The following ERC2 variants were observed in gnomAD, a reference collection of about 807,000 sequenced individuals.
The protein encoded by ERC2 is ERC protein 2.
In ERC2, 42 loss-of-function variants were observed where a neutral mutation model predicts 114.8. The observed-to-expected ratio is 0.37, with a 90% CI of 0.29 to 0.47. The LOEUF (loss-of-function observed/expected upper bound fraction) is 0.47, where lower values mean the gene tolerates loss of function less well. ERC2 is among the 20% of genes least tolerant of loss of function. The pLI, the probability that ERC2 is intolerant of heterozygous loss-of-function variation, is 0.99. For missense variants in ERC2, 939 were observed against 1,150.7 expected, an observed-to-expected ratio of 0.82 and a Z score of 2.66; for synonymous variants, 454 against 425.5, an observed-to-expected ratio of 1.07 and a Z score of -0.82.
At chr3:56,128,159 A>G (rs1406445417) in intron 6 of ERC2, among the ~76,000 whole-genome samples, 2 of 152,210 alleles carry the variant, frequency 1.3e-5, no homozygotes, top group Non-Finnish European at 2.9e-5. Context: ...CCTATTCATT[A>G]GGTACTTCCA....
At chr3:56,206,899 G>T (rs773818943) in intron 3 of ERC2, among the ~76,000 whole-genome samples, 1 of 152,188 alleles carries the variant, frequency 6.6e-6, no homozygotes, top group Non-Finnish European at 1.5e-5. Flanking sequence ...AATTTAAATA[G>T]ATGCAACAGA....
At chr3:56,127,327 A>G (rs78768511) in intron 6 of ERC2, among the ~76,000 whole-genome samples, 1,546 of 152,320 alleles carry the variant, frequency 0.01, 33 homozygotes, top group African/African-American at 0.035. Context: ...TAATCCTAAA[A>G]TGTGTATGGA....
intron 2 of ERC2, among the ~76,000 whole-genome samples, chr3:56,352,217 G>C (rs1004680145): frequency 1.1e-4 from 17 of 152,182 alleles, no homozygotes; most frequent in African/African-American, 4.1e-4. Context: ...ACTGGAGGCA[G>C]GTCAAGAGAC....
chr3:55,647,135 G>C (rs1050233111), intron 17 of ERC2: 1 of 151,846 alleles, frequency 6.6e-6, no homozygotes, highest in African/African-American at 2.4e-5. Flanking sequence ...ATCCTCTGTA[G>C]GTTCCTCTGC....
chr3:55,926,002 T>C (rs1325909005), intron 13 of ERC2, among the ~76,000 whole-genome samples: 4 of 152,224 alleles, frequency 2.6e-5, no homozygotes, highest in Non-Finnish European at 5.9e-5. Flanking sequence ...GAGGGAATTT[T>C]AGCAAGTACA....
chr3:55,533,523 C>T (rs1248504234), intron 17 of ERC2, among the ~76,000 whole-genome samples: 2 of 152,196 alleles, frequency 1.3e-5, no homozygotes, highest in South Asian at 2.1e-4. Flanking sequence ...TCCATCCAAA[C>T]CCCGAGTCCA....
intron 14 of ERC2, among the ~76,000 whole-genome samples, chr3:55,755,301 G>C (rs139358933): frequency 3.4e-4 from 52 of 152,234 alleles, no homozygotes; most frequent in Admixed American, 2.4e-3. Flanking sequence ...GAATGACCGA[G>C]AGGCACAGGT....
At chr3:55,881,439 A>G (rs1214092743) in intron 14 of ERC2, among the ~76,000 whole-genome samples, 1 of 152,248 alleles carries the variant, frequency 6.6e-6, no homozygotes, top group Non-Finnish European at 1.5e-5. Context: ...TTGTATAAGC[A>G]TAGGAAATCA....
intron 3 of ERC2, among the ~76,000 whole-genome samples, chr3:56,266,712 A>G (rs1388148682): frequency 1.3e-5 from 2 of 152,222 alleles, no homozygotes; most frequent in African/African-American, 4.8e-5. Flanking sequence ...CCTAGGCAAC[A>G]CAGCAAGACC....
chr3:55,616,043 A>C (rs558818536), intron 17 of ERC2, among the ~76,000 whole-genome samples: 74 of 152,284 alleles, frequency 4.9e-4, no homozygotes, highest in African/African-American at 1.7e-3. Context: ...AATTCACTCT[A>C]GTGTCTCAGG....
chr3:55,868,243 A>C (rs757176830), intron 14 of ERC2, among the ~76,000 whole-genome samples: 13 of 152,210 alleles, frequency 8.5e-5, no homozygotes, highest in Non-Finnish European at 1.9e-4. Context: ...ACACAAGTGC[A>C]CAGTCAAGTC....
intron 17 of ERC2, among the ~76,000 whole-genome samples, chr3:55,603,973 A>AC (rs200379094): frequency 7.5e-4 from 112 of 149,810 alleles, no homozygotes; most frequent in East Asian, 3.2e-3. Context: ...AGATGATTTC[A>AC]CCCCCCCCAG....
In ERC2 at chr3:55,755,833, A is replaced by G. The variant is rs140120673; in HGVS notation, c.2565-20915T>C. Among the ~76,000 whole-genome samples, 396 of 152,324 alleles carry G rather than the reference A, an allele frequency of 2.6e-3. 3 individuals carry two copies. The highest frequency in any genetic ancestry group is 8.9e-3 in the African/African-American group (371 of 41,580). ...TTAAACGTACATCGAACGTTCGCTT[A>G]TATACAGATAAATGGTGTTCAGAGT... On this transcript the variant is annotated intron_variant, in intron 14 of 17. Coordinates refer to ENST00000288221, the MANE Select transcript of ERC2 (RefSeq NM_015576.3).
chr3:56,148,865 T>C, intron 5 of ERC2, 112 bp downstream of exon 5: 1 of 946,010 alleles, frequency 1.1e-6, no homozygotes, highest in South Asian at 2.3e-5. Context: ...GTCCATATAT[T>C]AAATAATATC....
intron 16 of ERC2, 112 bp downstream of exon 16, chr3:55,699,266 T>A: frequency 7.3e-7 from 1 of 1,367,386 alleles, no homozygotes; most frequent in South Asian, 1.2e-5. Context: ...TAGTTTCAGT[T>A]CAAAGAACGT....
chr3:55,910,794 C>T (rs958111421), intron 13 of ERC2, among the ~76,000 whole-genome samples: 1 of 152,204 alleles, frequency 6.6e-6, no homozygotes, highest in Non-Finnish European at 1.5e-5. Flanking sequence ...GTGAGTGGCA[C>T]AGCTGGGATT....
At chr3:55,632,250 T>G (rs2059785433) in intron 17 of ERC2, among the ~76,000 whole-genome samples, 1 of 152,218 alleles carries the variant, frequency 6.6e-6, no homozygotes, top group East Asian at 1.9e-4. Context: ...CCTGCAGAGC[T>G]GCCAAGTGGC....
chr3:56,065,686 C>T (rs2076441950), intron 7 of ERC2, among the ~76,000 whole-genome samples: 1 of 152,078 alleles, frequency 6.6e-6, no homozygotes, highest in African/African-American at 2.4e-5. Context: ...GATGCTCTCC[C>T]TTCCCCTGTG....
chr3:56,363,419 A>G (rs1197913556), intron 2 of ERC2, among the ~76,000 whole-genome samples: 1 of 152,162 alleles, frequency 6.6e-6, no homozygotes, highest in Non-Finnish European at 1.5e-5. Flanking sequence ...GATAAAATAA[A>G]CCAGTATCCT....
Sources: gnomAD v4.1 joint callset for allele counts (sites outside exome capture counted in the v4.1 genomes callset) on GRCh38, gnomAD v4.1.1 for gene constraint, MANE v1.5 for transcripts, NCBI Gene and HGNC (gene_info 2026-07-23, HGNC 2026-07-21) for gene names.